Variants in TMEM266 observed in about 807,000 individuals in gnomAD.
The protein encoded by TMEM266 is Hv1 related protein 1.
TMEM266 carries 33 observed loss-of-function variants against 50.5 expected under a neutral mutation model. The observed-to-expected ratio is 0.65, with a 90% confidence interval of 0.50 to 0.87. TMEM266 has a LOEUF of 0.87. Ranked by LOEUF, TMEM266 falls within the 40% of genes least tolerant of loss-of-function variation. TMEM266 has a pLI of 0.00. For missense variants in TMEM266, 655 were observed against 695.1 expected, an observed-to-expected ratio of 0.94 and a Z score of 0.65; for synonymous variants, 310 against 292.3, an observed-to-expected ratio of 1.06 and a Z score of -0.62.
intron 1 of TMEM266, among the ~76,000 whole-genome samples, chr15:76,073,038 T>G (rs1567140864): frequency 1.3e-5 from 2 of 152,000 alleles, no homozygotes; most frequent in Non-Finnish European, 2.9e-5. Flanking sequence ...TTCAAGTGAT[T>G]CTCCTGCCTC....
intron 1 of TMEM266, among the ~76,000 whole-genome samples, chr15:76,071,201 G>A (rs988412254): frequency 3.2e-4 from 48 of 152,244 alleles, no homozygotes; most frequent in African/African-American, 1.1e-3. Context: ...ACAAAATTAA[G>A]AAGTACCTCC....
chr15:76,197,768 C>T (rs2038676664), intron 9 of TMEM266, among the ~76,000 whole-genome samples: 1 of 152,146 alleles, frequency 6.6e-6, no homozygotes, highest in Non-Finnish European at 1.5e-5. Context: ...GTGGTTGGCG[C>T]CCCATGCCCC....
intron 8 of TMEM266, chr15:76,191,743 G>A: frequency 2.0e-6 from 1 of 488,242 alleles, no homozygotes; most frequent in Non-Finnish European, 3.6e-6. Flanking sequence ...AGACTGCAAG[G>A]CACCTGAGAC....
Position 76,204,082 on chromosome 15 carries a change from C to A in TMEM266, c.1363C>A (p.Gln455Lys). The change falls in exon 11 of 11, where the codon CAG becomes AAG. Residue 455 changes from glutamine to lysine, a missense_variant. This residue lies in a region of TMEM266 where 455 missense variants were observed against 401.8 expected (regional missense o/e 1.13). Transcript: ENST00000388942. The stretch of plus-strand genomic sequence containing the variant: ...CCTGTCGGAGGACCCCTGCCCTTCC[C>A]AGAAGGCCTTGGACCCAGCCCCCCT... The A allele has an allele frequency of 6.2e-7, 1 of 1,612,726 alleles. No homozygotes were observed. Among genetic ancestry groups the A allele is most frequent in the Non-Finnish European group, 8.5e-7 (1 of 1,179,518 alleles).
In TMEM266 at chr15:76,192,261, C is replaced by T. The variant is rs1188611791; in HGVS notation, c.958+104C>T. On this transcript the variant is annotated intron_variant, in intron 9 of 10. Transcript: ENST00000388942. ...TGCGCAGAGTGGATGGGGTTCCTTT[C>T]AGGTGTGTGCCCCTCCTTCACTCGT... The T allele has an allele frequency of 3.7e-6, 4 of 1,086,508 alleles. No homozygotes were observed. The African/African-American group carries it at 6.7e-5, about 18-fold the overall frequency. The allele number at this position is 1,086,508 out of a possible 1,614,324, so 67.3% of individuals were successfully genotyped here.
intron 4 of TMEM266, among the ~76,000 whole-genome samples, chr15:76,158,095 C>T (rs1308734314): frequency 6.6e-6 from 1 of 152,186 alleles, no homozygotes; most frequent in Non-Finnish European, 1.5e-5. Flanking sequence ...ACTGTAGATC[C>T]AGTCACCTCC....
chr15:76,190,694 A>G (rs1438322758), intron 8 of TMEM266, among the ~76,000 whole-genome samples: 3 of 152,198 alleles, frequency 2.0e-5, no homozygotes, highest in Non-Finnish European at 4.4e-5. Context: ...TTGGAGAGAC[A>G]GTGAGGAGTC....
At chr15:76,143,061 A>G (rs1188355702) in intron 3 of TMEM266, among the ~76,000 whole-genome samples, 1 of 152,184 alleles carries the variant, frequency 6.6e-6, no homozygotes, top group African/African-American at 2.4e-5. Context: ...AAGTAGGCAC[A>G]GTCGTGGATG....
intron 9 of TMEM266, among the ~76,000 whole-genome samples, chr15:76,200,420 A>G (rs1052116599): frequency 1.3e-5 from 2 of 152,172 alleles, no homozygotes; most frequent in Non-Finnish European, 2.9e-5. Context: ...CAGAGAGGGG[A>G]TGGGACCTGC....
In TMEM266 at chr15:76,067,556, C is replaced by T. The variant is rs1034396330; in HGVS notation, c.-97+7540C>T. Among the ~76,000 whole-genome samples, 18 of 149,830 alleles carry T rather than the reference C, an allele frequency of 1.2e-4. No homozygotes were observed. In the Admixed American group the frequency reaches 1.2e-3, roughly 10 times the overall value. ...GCTGAGGCAGGAGAATCACTTGAACCCTGGAGGCGGAGGTTGCAATGAGCC... is the reference window on the plus strand; with the variant it reads ...GCTGAGGCAGGAGAATCACTTGAACTCTGGAGGCGGAGGTTGCAATGAGCC... On this transcript the variant is annotated intron_variant, in intron 1 of 10. Transcript: ENST00000388942.
chr15:76,103,283 G>A (rs2037032219), intron 1 of TMEM266, among the ~76,000 whole-genome samples: 1 of 151,802 alleles, frequency 6.6e-6, no homozygotes, highest in Non-Finnish European at 1.5e-5. Flanking sequence ...CAGGAGGATT[G>A]CTTGAGCCCA....
At position 76,153,089 on chromosome 15, in the gene TMEM266, C is replaced by T. The variant is rs529900709; in HGVS notation, c.228-3515C>T. 6.6e-6 allele frequency among the ~76,000 whole-genome samples: 1 copy of T among 151,834 alleles called. No homozygotes were observed. The highest frequency in any genetic ancestry group is 1.9e-4 in the East Asian group (1 of 5,166). ...CACAGGTAACTCCAGACGCCCACCTCCTGCAGCTTCCTAACCACCTGATAT... is the reference window on the plus strand; with the variant it reads ...CACAGGTAACTCCAGACGCCCACCTTCTGCAGCTTCCTAACCACCTGATAT... On this transcript the variant is annotated intron_variant, in intron 3 of 10. Coordinates refer to ENST00000388942, the MANE Select transcript of TMEM266 (RefSeq NM_152335.3). This position sits in a 1 kb window ranked among gnomAD's most constrained non-coding sequence, Gnocchi z 4.2.
intron 10 of TMEM266, 101 bp from the exon 11 acceptor site, chr15:76,203,640 G>C (rs1478569674): frequency 4.5e-6 from 5 of 1,117,422 alleles, no homozygotes; most frequent in Non-Finnish European, 6.6e-6. Context: ...CTACAGCCTA[G>C]CCACACTCAT....
chr15:76,169,740 T>C, intron 5 of TMEM266, 76 bp from the exon 6 acceptor site: 4 of 1,469,648 alleles, frequency 2.7e-6, no homozygotes, highest in Non-Finnish European at 3.8e-6. Context: ...AGCAGAGCTC[T>C]GAGTGCTGAG....
At chr15:76,196,772 A>G (rs2456046) in intron 9 of TMEM266, among the ~76,000 whole-genome samples, 85,249 of 152,100 alleles carry the variant, frequency 0.56, 25,245 homozygotes, top group African/African-American at 0.76. Flanking sequence ...CAGCTCCACA[A>G]TCTCAACAGT....
chr15:76,133,205 G>A (rs896521981), intron 1 of TMEM266, among the ~76,000 whole-genome samples: 1 of 151,906 alleles, frequency 6.6e-6, no homozygotes, highest in African/African-American at 2.4e-5. Flanking sequence ...AGGCCGAGGC[G>A]GGCGGATCAC....
chr15:76,192,733 G>C (rs1459313958), intron 9 of TMEM266, among the ~76,000 whole-genome samples: 1 of 152,202 alleles, frequency 6.6e-6, no homozygotes, highest in Non-Finnish European at 1.5e-5. Context: ...GTATGGAAGG[G>C]AGTTATTTCG....
intron 10 of TMEM266, 111 bp downstream of exon 10, chr15:76,202,375 C>T (rs763395449): frequency 3.7e-5 from 35 of 947,154 alleles, no homozygotes; most frequent in Non-Finnish European, 3.7e-5. Context: ...GCCTGTGAAC[C>T]ATAACTGCAG....
chr15:76,175,865 C>G lies in TMEM266; in HGVS notation c.768+191C>G, dbSNP rs1596153768. On this transcript the variant is annotated intron_variant, in intron 8 of 10. Transcript: ENST00000388942. The stretch of plus-strand genomic sequence containing the variant: ...CCAGGTTCACTGATGTATAGCCCAG[C>G]CAGGCATGGACTCAACCCTGACTCC... 17 of 533,950 alleles carry G rather than the reference C, an allele frequency of 3.2e-5. No individual in the cohort carries two copies. The East Asian group carries it at 5.7e-4, about 18-fold the overall frequency. 33.1% of individuals were successfully genotyped at this position (533,950 alleles called of 1,614,324 possible).
Sources: gnomAD v4.1 joint callset for allele counts (sites outside exome capture counted in the v4.1 genomes callset) on GRCh38, gnomAD v4.1.1 for gene constraint, gnomAD v4.1.1 regional missense constraint, Gnocchi (gnomAD v3.1) non-coding constraint, MANE v1.5 for transcripts, NCBI Gene and HGNC (gene_info 2026-07-23, HGNC 2026-07-21) for gene names.